RGS20: variants seen among roughly 807,000 people sequenced by gnomAD.
RGS20 encodes the protein gz-selective GTPase-activating protein.
A neutral mutation model predicts 33.6 loss-of-function variants in RGS20; 30 were observed. That is an observed-to-expected ratio of 0.89 (90% CI 0.67 to 1.21). The LOEUF is 1.21. RGS20 is among the 50% of genes most tolerant of loss of function. The pLI is 0.00. For missense variants in RGS20, 472 were observed against 502.4 expected, an observed-to-expected ratio of 0.94 and a Z score of 0.58; for synonymous variants, 208 against 197.9, an observed-to-expected ratio of 1.05 and a Z score of -0.43.
intron 1 of RGS20, among the ~76,000 whole-genome samples, chr8:53,869,007 C>A (rs370763801): frequency 3.5e-4 from 54 of 152,274 alleles, no homozygotes; most frequent in African/African-American, 1.3e-3. Context: ...CCCACCTCAG[C>A]CTCCCAAAGT....
At chr8:53,943,235 G>GT (rs1250203871) in intron 3 of RGS20, among the ~76,000 whole-genome samples, 6 of 151,646 alleles carry the variant, frequency 4.0e-5, no homozygotes, top group East Asian at 1.9e-4. Context: ...GAATTTCCTT[G>GT]TTTTTTTTCA....
intron 2 of RGS20, among the ~76,000 whole-genome samples, chr8:53,920,462 T>C (rs943824047): frequency 6.6e-6 from 1 of 152,184 alleles, no homozygotes. Context: ...AGCAAGATCA[T>C]GTCATTTGCA....
intron 3 of RGS20, chr8:53,945,410 G>A (rs1047111573): frequency 5.3e-5 from 8 of 152,184 alleles, no homozygotes; most frequent in African/African-American, 1.9e-4. Context: ...GACAGGAAGC[G>A]GATTCGTGCT....
intron 1 of RGS20, among the ~76,000 whole-genome samples, chr8:53,871,183 C>G (rs931140494): frequency 2.0e-5 from 3 of 147,122 alleles, no homozygotes; most frequent in African/African-American, 7.5e-5. Context: ...CTCTTCTTTT[C>G]CTGAGTTTTC....
At chr8:53,949,371 C>A (rs535057801) in intron 4 of RGS20, among the ~76,000 whole-genome samples, 2 of 148,702 alleles carry the variant, frequency 1.3e-5, no homozygotes, top group East Asian at 3.9e-4. Context: ...AAATATATAT[C>A]CTTCTCAAGC....
At chr8:53,953,724 A>C (rs1209145104) in intron 4 of RGS20, among the ~76,000 whole-genome samples, 3 of 152,194 alleles carry the variant, frequency 2.0e-5, no homozygotes, top group Non-Finnish European at 4.4e-5. Context: ...CTCATCACAG[A>C]TGATTAGGAA....
At position 53,858,915 on chromosome 8, in the gene RGS20, G is replaced by A. The variant is rs1043882910; in HGVS notation, c.165+6851G>A. The stretch of plus-strand genomic sequence containing the variant: ...TTTAAAAAAAAAAAAAAAAAAAACC[G>A]CGGGGGGTGGGGCAGAGGAAGTGGG... On this transcript the variant is annotated intron_variant, in intron 1 of 5. Coordinates refer to ENST00000297313, the MANE Select transcript of RGS20 (RefSeq NM_170587.4). 7.7e-5 allele frequency among the ~76,000 whole-genome samples: 11 copies of A among 143,394 alleles called. No homozygotes were observed. In the East Asian group the frequency reaches 8.4e-4, roughly 11 times the overall value. 94.1% of individuals were successfully genotyped at this position (143,394 alleles called of 152,430 possible).
intron 2 of RGS20, among the ~76,000 whole-genome samples, chr8:53,921,566 G>C (rs886486754): frequency 6.7e-6 from 1 of 149,712 alleles, no homozygotes; most frequent in Non-Finnish European, 1.5e-5. Context: ...TTCTTCTTTA[G>C]TTAATTTTGT....
chr8:53,933,048 G>T (rs564837226), intron 2 of RGS20, among the ~76,000 whole-genome samples: 6 of 152,122 alleles, frequency 3.9e-5, no homozygotes, highest in African/African-American at 1.4e-4. Flanking sequence ...GCTAACAAAC[G>T]AAAGGAATAG....
chr8:53,889,391 T>C (rs1812637888), intron 2 of RGS20, among the ~76,000 whole-genome samples: 1 of 138,978 alleles, frequency 7.2e-6, no homozygotes, highest in Non-Finnish European at 1.5e-5. Context: ...TCTTTTTCTT[T>C]CTTTCTTTCT....
At position 53,859,907 on chromosome 8, in the gene RGS20, A is replaced by T. The variant is rs566140083; in HGVS notation, c.165+7843A>T. The stretch of plus-strand genomic sequence containing the variant: ...AAAAACCCACCCCCACTATTCAGTT[A>T]CCTCCCACCGGGTCCCTCCCATGAC... On this transcript the variant is annotated intron_variant, in intron 1 of 5. Coordinates refer to ENST00000297313, the MANE Select transcript of RGS20 (RefSeq NM_170587.4). Among the ~76,000 whole-genome samples, 64 of 152,204 alleles carry T rather than the reference A, an allele frequency of 4.2e-4. 3 individuals carry two copies. The South Asian group carries it at 0.013, about 31-fold the overall frequency.
chr8:53,951,559 A>C (rs1814708559), intron 4 of RGS20, among the ~76,000 whole-genome samples: 1 of 152,216 alleles, frequency 6.6e-6, no homozygotes, highest in Non-Finnish European at 1.5e-5. Flanking sequence ...GGTCATTTAC[A>C]AAAACTTGGA....
At chr8:53,884,047 G>A (rs1224693151) in intron 2 of RGS20, among the ~76,000 whole-genome samples, 2 of 151,908 alleles carry the variant, frequency 1.3e-5, no homozygotes, top group Admixed American at 6.6e-5. Flanking sequence ...CCAAGCAAAA[G>A]CTGTTATTAC....
chr8:53,928,941 G>C (rs183027934), intron 2 of RGS20, among the ~76,000 whole-genome samples: 1 of 152,132 alleles, frequency 6.6e-6, no homozygotes, highest in Admixed American at 6.5e-5. Flanking sequence ...ACAAATAGTA[G>C]TACATCCATA....
chr8:53,865,334 A>T (rs1811895728), intron 1 of RGS20, among the ~76,000 whole-genome samples: 1 of 152,196 alleles, frequency 6.6e-6, no homozygotes, highest in African/African-American at 2.4e-5. Context: ...TACTCATGCA[A>T]TTGCTGCAGC....
chr8:53,905,593 G>T (rs764119054), intron 2 of RGS20, among the ~76,000 whole-genome samples: 1 of 152,114 alleles, frequency 6.6e-6, no homozygotes, highest in Non-Finnish European at 1.5e-5. Flanking sequence ...TTCAGCTTAC[G>T]TCTCGGCTGC....
chr8:53,890,155 CAT>C (rs1359618415), intron 2 of RGS20, among the ~76,000 whole-genome samples: 2 of 152,078 alleles, frequency 1.3e-5, no homozygotes, highest in African/African-American at 4.8e-5. Context: ...GTTCATTTCG[CAT>C]ATCTTTCTGC....
At chr8:53,903,629 C>T (rs1192092852) in intron 2 of RGS20, among the ~76,000 whole-genome samples, 1 of 152,164 alleles carries the variant, frequency 6.6e-6, no homozygotes, top group Non-Finnish European at 1.5e-5. Flanking sequence ...CTGAGCCAAG[C>T]AGCATCAGGG....
chr8:53,891,033 G>A (rs1349719240), intron 2 of RGS20, among the ~76,000 whole-genome samples: 7 of 152,058 alleles, frequency 4.6e-5, no homozygotes, highest in Admixed American at 6.6e-5. Flanking sequence ...CCATATGGCC[G>A]CCACATTTGA....
Sources: allele counts gnomAD v4.1 joint callset (sites outside exome capture counted in the v4.1 genomes callset), GRCh38; gene constraint gnomAD v4.1.1; transcripts MANE v1.5; gene names NCBI Gene and HGNC (gene_info 2026-07-23, HGNC 2026-07-21).